The following GRIN3A variants were observed in gnomAD, a reference collection of about 807,000 sequenced individuals.
GRIN3A encodes glutamate ionotropic receptor NMDA type subunit 3A, also known as glutamate receptor ionotropic, NMDA 3A.
In GRIN3A, 47 loss-of-function variants were observed where a neutral mutation model predicts 92.4. The ratio of observed to expected loss-of-function variants is 0.51; its 90% CI spans 0.40 to 0.65. GRIN3A has a LOEUF of 0.65. Among genes scored for constraint, GRIN3A ranks in the 30% least tolerant of loss-of-function variants. The pLI is 0.00. For missense variants in GRIN3A, 1,324 were observed against 1,393.1 expected, an observed-to-expected ratio of 0.95 and a Z score of 0.79; for synonymous variants, 527 against 540.6, an observed-to-expected ratio of 0.97 and a Z score of 0.35.
chr9:101,667,793 C>G (rs1005244532), intron 3 of GRIN3A, among the ~76,000 whole-genome samples: 43 of 152,018 alleles, frequency 2.8e-4, no homozygotes, highest in South Asian at 2.1e-4. Flanking sequence ...TGGATGAAAA[C>G]TAAAAAATTC....
At chr9:101,692,821 T>C (rs1460768565) in intron 1 of GRIN3A, among the ~76,000 whole-genome samples, 2 of 152,162 alleles carry the variant, frequency 1.3e-5, no homozygotes, top group Admixed American at 6.6e-5. Flanking sequence ...AAATTAAAGA[T>C]TGTTCCTTTA....
rs1224541741 is a variant in GRIN3A at position 101,737,938 on chromosome 9, A to G, written c.42T>C (p.Cys14=). The stretch of plus-strand genomic sequence containing the variant: ...GTGCGCAGGGCGGCGGCAACAGCAG[A>G]CAGACCCTGCTCAGCAGCCACCACA... ...LSLWWLLSRV[C]LLLPPPCALV... is the part of the protein sequence containing the mutation. Residue 14 remains cysteine, a synonymous_variant, in exon 1 of 9, where the codon TGT becomes TGC. Transcript: ENST00000361820. 6.5e-7 allele frequency: 1 copy of G among 1,537,934 alleles called. No homozygotes were observed. The highest frequency in any genetic ancestry group is 1.2e-5 in the South Asian group (1 of 84,240).
intron 5 of GRIN3A, among the ~76,000 whole-genome samples, chr9:101,616,916 A>G (rs1203770542): frequency 3.3e-5 from 5 of 150,614 alleles, no homozygotes; most frequent in Admixed American, 2.0e-4. Context: ...AAAGGAACAA[A>G]AGGGCCGGGC....
intron 6 of GRIN3A, among the ~76,000 whole-genome samples, chr9:101,599,912 G>A (rs961493385): frequency 1.3e-5 from 2 of 152,140 alleles, no homozygotes; most frequent in South Asian, 2.1e-4. Flanking sequence ...GCGTACTGAC[G>A]TTAGCCACAG....
At chr9:101,687,717 G>A (rs947111366) in intron 1 of GRIN3A, among the ~76,000 whole-genome samples, 7 of 152,162 alleles carry the variant, frequency 4.6e-5, no homozygotes, top group African/African-American at 1.7e-4. Context: ...GCCCCTTGAG[G>A]AAGACACTTC....
chr9:101,711,577 G>A (rs191235333), intron 1 of GRIN3A, among the ~76,000 whole-genome samples: 4 of 152,298 alleles, frequency 2.6e-5, no homozygotes, highest in East Asian at 3.9e-4. Context: ...GAAAGGGTTT[G>A]CTGCTTCTTG....
chr9:101,686,815 A>G lies in GRIN3A; in HGVS notation c.1085T>C (p.Val362Ala). 1 of 1,614,164 alleles carries G rather than the reference A, an allele frequency of 6.2e-7. No homozygotes were observed. ...CAGACCCTCTGTCCTCAGTTCCTCCACATTCTGGGAATCTCCCAGCACCCA... is the reference window on the plus strand; with the variant it reads ...CAGACCCTCTGTCCTCAGTTCCTCCGCATTCTGGGAATCTCCCAGCACCCA... ...LRWVLGDSQN[V>A]EELRTEGLPL... The change falls in exon 2 of 9, where the codon GTG (valine) becomes GCG (alanine). Residue 362 changes from valine to alanine, a missense_variant. Coordinates refer to ENST00000361820, the MANE Select transcript of GRIN3A (RefSeq NM_133445.3).
intron 1 of GRIN3A, among the ~76,000 whole-genome samples, chr9:101,730,695 CTG>C (rs1195690379): frequency 6.6e-6 from 1 of 151,944 alleles, no homozygotes. Context: ...CACAAAGTAA[CTG>C]TGAGGAAAAA....
At chr9:101,651,347 T>A (rs963452760) in intron 3 of GRIN3A, among the ~76,000 whole-genome samples, 2 of 151,910 alleles carry the variant, frequency 1.3e-5, no homozygotes, top group Admixed American at 6.6e-5. Context: ...TAATTACAGA[T>A]AATACAAAAT....
chr9:101,651,536 A>G (rs1029525740), intron 3 of GRIN3A, among the ~76,000 whole-genome samples: 13 of 151,834 alleles, frequency 8.6e-5, no homozygotes, highest in African/African-American at 3.1e-4. Flanking sequence ...TCTGAGGATG[A>G]GGATTGTGTG....
chr9:101,690,482 C>T (rs1361537988), intron 1 of GRIN3A, among the ~76,000 whole-genome samples: 4 of 152,054 alleles, frequency 2.6e-5, no homozygotes, highest in Non-Finnish European at 5.9e-5. Flanking sequence ...TGCTGCCATG[C>T]ACTCGTAGAA....
At chr9:101,656,184 C>G (rs531274658) in intron 3 of GRIN3A, among the ~76,000 whole-genome samples, 6 of 151,942 alleles carry the variant, frequency 3.9e-5, no homozygotes, top group Admixed American at 1.3e-4. Flanking sequence ...AGAGGATAGA[C>G]TGATTTGTGC....
intron 3 of GRIN3A, among the ~76,000 whole-genome samples, chr9:101,643,840 C>A (rs1828898577): frequency 6.7e-6 from 1 of 149,684 alleles, no homozygotes; most frequent in African/African-American, 2.4e-5. Flanking sequence ...TATGTGGAAT[C>A]AAAAAAAAAT....
At chr9:101,676,833 A>C (rs1829403007) in intron 2 of GRIN3A, among the ~76,000 whole-genome samples, 2 of 151,568 alleles carry the variant, frequency 1.3e-5, no homozygotes, top group African/African-American at 4.8e-5. Flanking sequence ...CATTTGAGAC[A>C]AAGGAATATT....
chr9:101,727,836 A>G (rs1830097647), intron 1 of GRIN3A, among the ~76,000 whole-genome samples: 4 of 149,880 alleles, frequency 2.7e-5, no homozygotes, highest in African/African-American at 9.9e-5. Context: ...AGACCACTAG[A>G]TGGCTCTCTG....
At chr9:101,577,965 A>G in intron 7 of GRIN3A, 121 bp from the exon 8 acceptor site, 1 of 722,032 alleles carries the variant, frequency 1.4e-6, no homozygotes, top group Non-Finnish European at 2.5e-6. Context: ...CTTTAAACAA[A>G]TTCCAGAAAT....
chr9:101,693,986 T>G (rs937738763), intron 1 of GRIN3A, among the ~76,000 whole-genome samples: 3 of 152,158 alleles, frequency 2.0e-5, no homozygotes, highest in Non-Finnish European at 4.4e-5. Context: ...TCTCTCAGGA[T>G]TTTTGAGTGG....
intron 6 of GRIN3A, among the ~76,000 whole-genome samples, chr9:101,600,007 G>A (rs923650233): frequency 6.6e-6 from 1 of 152,166 alleles, no homozygotes; most frequent in Non-Finnish European, 1.5e-5. Flanking sequence ...TTGTAATACT[G>A]AAATGGTGTT....
chr9:101,599,653 A>AT lies in GRIN3A; in HGVS notation c.2766+13722dup, dbSNP rs113889326. Among the ~76,000 whole-genome samples, 137 of 152,252 alleles carry AT rather than the reference A, an allele frequency of 9.0e-4. 2 individuals carry two copies. Among genetic ancestry groups the AT allele is most frequent in the African/African-American group, 3.0e-3 (126 of 41,556 alleles). On this transcript the variant is annotated intron_variant, in intron 6 of 8. Transcript: ENST00000361820. ...GATGGCACCTCTATTTCAGCATGTC[A>AT]TTTTTTTCCCTCAAAAGTTTTTAGA...
Sources: gnomAD v4.1 joint callset for allele counts (sites outside exome capture counted in the v4.1 genomes callset) on GRCh38, gnomAD v4.1.1 for gene constraint, MANE v1.5 for transcripts, NCBI Gene and HGNC (gene_info 2026-07-23, HGNC 2026-07-21) for gene names.